The following ZFHX3 variants were observed in gnomAD, a reference collection of about 807,000 sequenced individuals.
ZFHX3 encodes the protein zinc finger homeobox protein 3.
In ZFHX3, 42 loss-of-function variants were observed where a neutral mutation model predicts 279.1. The ratio of observed to expected loss-of-function variants is 0.15; its 90% confidence interval spans 0.12 to 0.19. ZFHX3 has a LOEUF of 0.19. Among genes scored for constraint, ZFHX3 ranks in the 10% least tolerant of loss-of-function variants. The pLI, the probability that ZFHX3 is intolerant of heterozygous loss-of-function variation, is 1.00. For synonymous variants in ZFHX3, 2,293 were observed against 1,957.8 expected (o/e 1.17, Z -4.52); for missense variants, 4,981 against 4,754.0 (o/e 1.05, Z -1.40).
chr16:73,780,748 CA>C (rs1375815913), intron 1 of ZFHX3, among the ~76,000 whole-genome samples: 4 of 152,146 alleles, frequency 2.6e-5, no homozygotes, highest in African/African-American at 9.7e-5. Context: ...GGCCTCATTG[CA>C]GTTGAATTCT....
intron 3 of ZFHX3, among the ~76,000 whole-genome samples, chr16:72,945,467 T>C (rs1960619278): frequency 6.6e-6 from 1 of 151,918 alleles, no homozygotes; most frequent in African/African-American, 2.4e-5. Context: ...GCACCAACCA[T>C]CAAGCCACGG....
At chr16:73,126,600 A>T (rs1190073366) in intron 7 of ZFHX3, 1 of 152,262 alleles carries the variant, frequency 6.6e-6, no homozygotes, top group Non-Finnish European at 1.5e-5. Context: ...GTTGCAGTGC[A>T]CATGTTAATA....
chr16:73,387,452 T>G (rs2016923912), intron 3 of ZFHX3, among the ~76,000 whole-genome samples: 1 of 152,176 alleles, frequency 6.6e-6, no homozygotes, highest in Non-Finnish European at 1.5e-5. Flanking sequence ...TAACATATCT[T>G]GGAGAAGAAA....
intron 3 of ZFHX3, among the ~76,000 whole-genome samples, chr16:73,344,340 T>C (rs1275720676): frequency 6.6e-6 from 1 of 152,128 alleles, no homozygotes; most frequent in African/African-American, 2.4e-5. Context: ...AAATAAATGG[T>C]CTGTACTCTT....
chr16:73,473,372 A>AC (rs2018710091), intron 2 of ZFHX3, among the ~76,000 whole-genome samples: 1 of 150,336 alleles, frequency 6.7e-6, no homozygotes, highest in African/African-American at 2.5e-5. Context: ...AAAAAAAAAA[A>AC]CAAAATAATA....
chr16:73,701,764 T>C (rs193215924), intron 1 of ZFHX3, among the ~76,000 whole-genome samples: 15 of 152,230 alleles, frequency 9.9e-5, no homozygotes, highest in African/African-American at 3.6e-4. Context: ...TAGAATAATA[T>C]GGAGAGATCT....
intron 5 of ZFHX3, among the ~76,000 whole-genome samples, chr16:73,157,884 A>G (rs1322037490): frequency 2.0e-5 from 3 of 152,138 alleles, no homozygotes; most frequent in Non-Finnish European, 4.4e-5. Flanking sequence ...CAGCCCCTTA[A>G]GAGTCTGCTA....
At chr16:73,080,579 T>G (rs1451278467) in intron 8 of ZFHX3, among the ~76,000 whole-genome samples, 1 of 152,062 alleles carries the variant, frequency 6.6e-6, no homozygotes, top group East Asian at 1.9e-4. Context: ...GACTTTTTCT[T>G]TGTTTTTTTT....
chr16:73,468,144 A>C (rs1260191950), intron 2 of ZFHX3, among the ~76,000 whole-genome samples: 6 of 152,186 alleles, frequency 3.9e-5, no homozygotes, highest in Non-Finnish European at 8.8e-5. Context: ...CACATCAACC[A>C]AGTCCAAATG....
intron 4 of ZFHX3, among the ~76,000 whole-genome samples, chr16:73,306,605 G>A (rs975410039): frequency 1.3e-5 from 2 of 152,228 alleles, no homozygotes; most frequent in Non-Finnish European, 2.9e-5. Context: ...TTGGAGGCGT[G>A]AGCCACTGCA....
chr16:72,851,604 G>T (rs1165116271), intron 4 of ZFHX3, among the ~76,000 whole-genome samples: 4 of 151,842 alleles, frequency 2.6e-5, no homozygotes, highest in Admixed American at 2.6e-4. Context: ...GCCCAGGCTG[G>T]ACTGCAGTGG....
chr16:73,087,395 A>G (rs768747384), intron 8 of ZFHX3, among the ~76,000 whole-genome samples: 2 of 152,188 alleles, frequency 1.3e-5, no homozygotes, highest in African/African-American at 2.4e-5. Context: ...AACTCCAGGA[A>G]AGTCCTTGTC....
At chr16:73,432,966 C>A (rs1597333605) in intron 3 of ZFHX3, among the ~76,000 whole-genome samples, 1 of 152,302 alleles carries the variant, frequency 6.6e-6, no homozygotes, top group African/African-American at 2.4e-5. Flanking sequence ...GATAATCACT[C>A]TACTAGCTCC....
chr16:73,744,968 T>C (rs563093185), intron 1 of ZFHX3, among the ~76,000 whole-genome samples: 1 of 152,308 alleles, frequency 6.6e-6, no homozygotes, highest in South Asian at 2.1e-4. Flanking sequence ...ACAACTTCAG[T>C]GGACTTGGTA....
chr16:72,849,120 G>A (rs1212716492), intron 4 of ZFHX3, among the ~76,000 whole-genome samples: 1 of 152,026 alleles, frequency 6.6e-6, no homozygotes, highest in Non-Finnish European at 1.5e-5. Flanking sequence ...TCCCAGAAGA[G>A]GCCAACGCCC....
chr16:73,840,018 C>G (rs1961259673), intron 1 of ZFHX3, among the ~76,000 whole-genome samples: 1 of 152,218 alleles, frequency 6.6e-6, no homozygotes, highest in East Asian at 1.9e-4. Flanking sequence ...CCATCTTTCA[C>G]AGGTCAGTTT....
intron 2 of ZFHX3, among the ~76,000 whole-genome samples, chr16:73,475,898 G>A (rs1597349951): frequency 1.3e-5 from 2 of 152,078 alleles, no homozygotes; most frequent in Non-Finnish European, 2.9e-5. Context: ...CTCAACTTAT[G>A]ATTCCAAATC....
intron 1 of ZFHX3, among the ~76,000 whole-genome samples, chr16:72,979,242 G>A (rs778545084): frequency 1.3e-5 from 2 of 152,194 alleles, no homozygotes; most frequent in Non-Finnish European, 2.9e-5. Context: ...GGAACCACAG[G>A]TGGGCTTCTC....
In ZFHX3 at chr16:72,950,865, C is replaced by T. The variant is rs745377225; in HGVS notation, c.2820G>A (p.Pro940=). 53 of 1,613,956 alleles carry T rather than the reference C, an allele frequency of 3.3e-5. No individual in the cohort carries two copies. Among genetic ancestry groups the T allele is most frequent in the South Asian group, 1.9e-4 (17 of 91,090 alleles). The change falls in exon 3 of 10, where the codon CCG becomes CCA. Residue 940 remains proline, a synonymous_variant. Coordinates refer to ENST00000268489, the MANE Select transcript of ZFHX3 (RefSeq NM_006885.4). Reference sequence around the variant, plus strand: ...CGGCGCACTGGAAGAGCTTCAGCGACGGGTCGTTGGTCTGGATGAAGCTCT... The same window carrying T: ...CGGCGCACTGGAAGAGCTTCAGCGATGGGTCGTTGGTCTGGATGAAGCTCT... The part of the protein sequence containing the change: ...LGESFIQTND[P]SLKLFQCAVC...
Sources: allele counts gnomAD v4.1 joint callset (sites outside exome capture counted in the v4.1 genomes callset), GRCh38; gene constraint gnomAD v4.1.1; transcripts MANE v1.5; gene names NCBI Gene and HGNC (gene_info 2026-07-23, HGNC 2026-07-21).